The following ELP2 variants were observed in gnomAD, a reference collection of about 807,000 sequenced individuals.
ELP2 encodes the protein elongator acetyltransferase complex subunit 2, also known as elongator complex protein 2.
Under a neutral mutation model 119.2 loss-of-function variants are expected in ELP2, and 90 were observed. That is an observed-to-expected ratio of 0.75 (90% CI 0.64 to 0.90). The LOEUF (loss-of-function observed/expected upper bound fraction) is 0.90. Among genes scored for constraint, ELP2 ranks in the 40% least tolerant of loss-of-function variants. The probability of loss-of-function intolerance (pLI) is 0.00; values close to 1 mark genes in which losing one functional copy is unlikely to be tolerated. For missense variants in ELP2, 921 were observed against 967.8 expected (o/e 0.95, Z 0.64); for synonymous variants, 339 against 331.0 (o/e 1.02, Z -0.26).
At chr18:36,136,988 GT>G in intron 3 of ELP2, among the ~76,000 whole-genome samples, 1 of 147,424 alleles carries the variant, frequency 6.8e-6, no homozygotes, top group Non-Finnish European at 1.5e-5. Flanking sequence ...AATAGATTTA[GT>G]TTTTTCAGGG....
chr18:36,151,865 A>G (rs1196633926), intron 11 of ELP2, among the ~76,000 whole-genome samples: 3 of 149,044 alleles, frequency 2.0e-5, no homozygotes, highest in East Asian at 2.0e-4. Flanking sequence ...CTCCTGTCTC[A>G]GCCGCCTGAG....
intron 1 of ELP2, 92 bp downstream of exon 1, chr18:36,130,163 C>T: frequency 2.6e-6 from 4 of 1,558,776 alleles, no homozygotes; most frequent in Non-Finnish European, 3.5e-6. Flanking sequence ...CGCCCCAGAC[C>T]TAGGAGGCGA....
At chr18:36,133,794 C>A (rs2089722268) in intron 2 of ELP2, among the ~76,000 whole-genome samples, 1 of 147,916 alleles carries the variant, frequency 6.8e-6, no homozygotes, top group South Asian at 2.1e-4. Context: ...GAGACAGGAT[C>A]TCTCACTTGT....
At chr18:36,149,586 A>G (rs1229094482) in intron 11 of ELP2, among the ~76,000 whole-genome samples, 1 of 150,856 alleles carries the variant, frequency 6.6e-6, no homozygotes, top group African/African-American at 2.4e-5. Flanking sequence ...GAGAAAAAAT[A>G]AATTAAAAAA....
Position 36,171,412 on chromosome 18 carries a change from A to T in ELP2, c.2324+252A>T, listed in dbSNP as rs569363227. ...TTATTTTTATAAACAACCATTTGAG[A>T]TGAAAGTGATTTCCATAATGGTGTG... On this transcript the variant is annotated intron_variant, in intron 21 of 21. Coordinates refer to ENST00000358232, the MANE Select transcript of ELP2 (RefSeq NM_018255.4). 2.6e-5 allele frequency among the ~76,000 whole-genome samples: 4 copies of T among 152,346 alleles called. No individual in the cohort carries two copies. In the South Asian group the frequency reaches 8.3e-4, roughly 32 times the overall value.
chr18:36,155,117 A>G (rs1938703887), intron 12 of ELP2, 118 bp downstream of exon 12: 3 of 815,714 alleles, frequency 3.7e-6, no homozygotes, highest in Non-Finnish European at 6.1e-6. Flanking sequence ...GGTTCAAGCG[A>G]TTCTCCTGTC....
chr18:36,170,611 G>T (rs963427516), intron 20 of ELP2, among the ~76,000 whole-genome samples: 1 of 152,118 alleles, frequency 6.6e-6, no homozygotes, highest in South Asian at 2.1e-4. Flanking sequence ...ACCGTGCCTG[G>T]CCTGAGTTAC....
intron 18 of ELP2, chr18:36,164,914 C>T (rs2090849190): frequency 4.0e-6 from 2 of 506,046 alleles, no homozygotes; most frequent in Non-Finnish European, 7.1e-6. Context: ...ATTCAGATAT[C>T]TCAGTTCAAG....
chr18:36,153,671 C>T (rs781152602), intron 11 of ELP2, among the ~76,000 whole-genome samples: 20 of 152,278 alleles, frequency 1.3e-4, no homozygotes, highest in African/African-American at 2.4e-4. Flanking sequence ...AGGATTCCCT[C>T]GACCCCCTCT....
chr18:36,167,716 G>A (rs2090949729), intron 19 of ELP2, among the ~76,000 whole-genome samples: 1 of 144,264 alleles, frequency 6.9e-6, no homozygotes, highest in African/African-American at 2.5e-5. Context: ...TTTTGAGACA[G>A]GGTCTCGGGT....
At chr18:36,138,611 C>T (rs2089915691) in intron 4 of ELP2, 184 bp from the exon 5 acceptor site, 1 of 863,892 alleles carries the variant, frequency 1.2e-6, no homozygotes, top group Non-Finnish European at 1.8e-6. Flanking sequence ...TCATGTAAGT[C>T]ATTTTGCTGT....
intron 11 of ELP2, among the ~76,000 whole-genome samples, chr18:36,148,536 T>C (rs1271187424): frequency 2.0e-5 from 3 of 152,134 alleles, no homozygotes; most frequent in African/African-American, 7.2e-5. Flanking sequence ...CCTCAGGCCA[T>C]GGATCCCTCA....
Position 36,138,888 on chromosome 18 carries a change from A to C in ELP2, c.523+16A>C, listed in dbSNP as rs1486247496. 4 of 1,597,648 alleles carry C rather than the reference A, an allele frequency of 2.5e-6. No homozygotes were observed. The highest frequency in any genetic ancestry group is 3.4e-6 in the Non-Finnish European group (4 of 1,165,544). ...AATACTGATGGTGAGTATCCTGTTAAGTATATGTTAAAAGGGCAGTATATT... is the reference window on the plus strand; with the variant it reads ...AATACTGATGGTGAGTATCCTGTTACGTATATGTTAAAAGGGCAGTATATT... On this transcript the variant is annotated intron_variant, in intron 5 of 21. Coordinates refer to ENST00000358232, the MANE Select transcript of ELP2 (RefSeq NM_018255.4).
chr18:36,169,489 C>T (rs921417614), intron 19 of ELP2, among the ~76,000 whole-genome samples: 3 of 151,496 alleles, frequency 2.0e-5, no homozygotes, highest in Non-Finnish European at 4.4e-5. Flanking sequence ...TAGGTTCAAG[C>T]GATTCTCCTG....
rs2091208513 is a variant in ELP2 at position 36,175,669 on chromosome 18, G to C, written c.*1028G>C. 6.6e-6 allele frequency: 1 copy of C among 152,356 alleles called. No homozygotes were observed. The highest frequency in any genetic ancestry group is 2.1e-4 in the South Asian group (1 of 4,832). The allele number at this position is 152,356 out of a possible 1,614,324, so 9.4% of individuals were successfully genotyped here. A position where few individuals can be genotyped will look rare whatever the true frequency, so the allele number is the denominator to read the frequency against. On this transcript the variant is annotated 3_prime_UTR_variant, in exon 22 of 22. Transcript: ENST00000358232. ...AGGGTACTGGAAACAGCATGTCAGT[G>C]GTGCCAGCTGAGGGCTGGAGGCAGC...
Position 36,174,903 on chromosome 18 carries a change from G to C in ELP2, c.*262G>C. Reference sequence around the variant, plus strand: ...AGAGACTGGGTTTCACCGTTGGCCAGGCGGGTCTCAAACTCCTCGTCTCAG... The same window carrying C: ...AGAGACTGGGTTTCACCGTTGGCCACGCGGGTCTCAAACTCCTCGTCTCAG... On this transcript the variant is annotated 3_prime_UTR_variant, in exon 22 of 22. Coordinates refer to ENST00000358232, the MANE Select transcript of ELP2 (RefSeq NM_018255.4). 1 of 390,278 alleles carries C rather than the reference G, an allele frequency of 2.6e-6. No homozygotes were observed. 24.2% of individuals were successfully genotyped at this position (390,278 alleles called of 1,614,324 possible).
chr18:36,179,054 G>A lies in ELP2; in HGVS notation c.*4413G>A, dbSNP rs483583. ...TTAAGGCTCTGCCATGCTTAAACAA[G>A]AGACTGGCACTCCAAGGACAATGAG... On this transcript the variant is annotated 3_prime_UTR_variant, in exon 22 of 22. Transcript: ENST00000358232. 0.31 allele frequency: 46,687 copies of A among 152,150 alleles called. 7,655 individuals carry two copies. The highest frequency in any genetic ancestry group is 0.42 in the Middle Eastern group (124 of 294). The allele number at this position is 152,150 out of a possible 1,614,324, so 9.4% of individuals were successfully genotyped here.
chr18:36,166,222 ATTTATTAAT>A (rs2090890830), intron 18 of ELP2, among the ~76,000 whole-genome samples: 1 of 149,156 alleles, frequency 6.7e-6, no homozygotes, highest in South Asian at 2.1e-4. Flanking sequence ...TTAATAACAT[ATTTATTAAT>A]TTGTTATATC....
chr18:36,135,946 T>C (rs372186387), intron 2 of ELP2, among the ~76,000 whole-genome samples: 12 of 152,314 alleles, frequency 7.9e-5, no homozygotes, highest in African/African-American at 2.6e-4. Context: ...ACTGAGAGAA[T>C]TGGGACATTT....
Sources: allele counts gnomAD v4.1 joint callset (sites outside exome capture counted in the v4.1 genomes callset), GRCh38; gene constraint gnomAD v4.1.1; transcripts MANE v1.5; gene names NCBI Gene and HGNC (gene_info 2026-07-23, HGNC 2026-07-21).